SORCS1: variants seen among roughly 807,000 people sequenced by gnomAD.
SORCS1 encodes sortilin related VPS10 domain containing receptor 1, also known as VPS10 domain-containing receptor SorCS1.
In SORCS1, 60 loss-of-function variants were observed where a neutral mutation model predicts 146.1. The observed-to-expected ratio is 0.41, with a 90% confidence interval of 0.33 to 0.51. The LOEUF (loss-of-function observed/expected upper bound fraction) is 0.51, where lower values mean the gene tolerates loss of function less well. SORCS1 is among the 20% of genes least tolerant of loss of function. The pLI, the probability that SORCS1 is intolerant of heterozygous loss-of-function variation, is 0.21. For missense variants in SORCS1, 1,352 were observed against 1,487.6 expected, an observed-to-expected ratio of 0.91 and a Z score of 1.50; for synonymous variants, 637 against 584.0, an observed-to-expected ratio of 1.09 and a Z score of -1.31.
At chr10:106,740,622 C>A (rs1307592432) in intron 5 of SORCS1, among the ~76,000 whole-genome samples, 1 of 151,972 alleles carries the variant, frequency 6.6e-6, no homozygotes, top group African/African-American at 2.4e-5. Context: ...TTAGCTCCAT[C>A]AGAAAAAAAA....
intron 1 of SORCS1, among the ~76,000 whole-genome samples, chr10:106,963,337 G>A (rs998577733): frequency 2.0e-5 from 3 of 151,790 alleles, no homozygotes; most frequent in Non-Finnish European, 2.9e-5. Context: ...GGATGGTCTC[G>A]ATCTCCTGAC....
rs370902733 is a variant in SORCS1 at position 106,926,866 on chromosome 10, CAGAGAG to C, written c.626+29641_626+29646del. Among the ~76,000 whole-genome samples the C allele has an allele frequency of 3.8e-3, 237 of 61,988 alleles. 1 individual carries two copies. The highest frequency in any genetic ancestry group is 8.3e-3 in the African/African-American group (117 of 14,080). 40.7% of individuals were successfully genotyped at this position (61,988 alleles called of 152,430 possible). A position where few individuals can be genotyped will look rare whatever the true frequency, so the allele number is the denominator to read the frequency against. On this transcript the variant is annotated intron_variant, in intron 2 of 25. Coordinates refer to ENST00000263054, the MANE Select transcript of SORCS1 (RefSeq NM_052918.5). ...ACACACACACACACACACACACACACAGAGAGAGAGAGAGAGAGAGAGAGAGAGAGA... is the reference window on the plus strand; with the variant it reads ...ACACACACACACACACACACACACACAGAGAGAGAGAGAGAGAGAGAGAGA...
chr10:106,801,196 A>G (rs1055881079), intron 3 of SORCS1, among the ~76,000 whole-genome samples: 1 of 152,218 alleles, frequency 6.6e-6, no homozygotes, highest in African/African-American at 2.4e-5. Flanking sequence ...TTCACATACT[A>G]TCATATTAAA....
At chr10:106,684,123 C>T (rs991436154) in intron 10 of SORCS1, among the ~76,000 whole-genome samples, 1 of 152,118 alleles carries the variant, frequency 6.6e-6, no homozygotes, top group Non-Finnish European at 1.5e-5. Context: ...ATCATGAGGT[C>T]AAGAGATCAA....
chr10:107,015,914 T>A (rs1957877233), intron 1 of SORCS1, among the ~76,000 whole-genome samples: 2 of 152,216 alleles, frequency 1.3e-5, no homozygotes, highest in Admixed American at 1.3e-4. Context: ...CACTAAAATC[T>A]CTGACTTTAT....
In SORCS1 at chr10:106,894,270, CGTGTGTGTGTGTGTGT is replaced by C. The variant is rs3982431; in HGVS notation, c.626+62227_626+62242del. Among the ~76,000 whole-genome samples the C allele has an allele frequency of 4.9e-5, 7 of 141,550 alleles. No individual in the cohort carries two copies. In the East Asian group the frequency reaches 6.3e-4, roughly 13 times the overall value. The allele number at this position is 141,550 out of a possible 152,430, so 92.9% of individuals were successfully genotyped here. On this transcript the variant is annotated intron_variant, in intron 2 of 25. Transcript: ENST00000263054. The stretch of plus-strand genomic sequence containing the variant: ...GTGTGTGTGCGCGCGCGCACGTGTG[CGTGTGTGTGTGTGTGT>C]GTGTGTGTGTGTGTGTGTGTGTAGG...
chr10:106,811,629 A>T (rs1564687682), intron 3 of SORCS1, among the ~76,000 whole-genome samples: 2 of 152,204 alleles, frequency 1.3e-5, no homozygotes, highest in Non-Finnish European at 2.9e-5. Flanking sequence ...CTTGAAAGGC[A>T]ACTGGGCATA....
intron 2 of SORCS1, among the ~76,000 whole-genome samples, chr10:106,864,637 C>T (rs1950158357): frequency 1.3e-5 from 2 of 152,136 alleles, no homozygotes; most frequent in South Asian, 4.1e-4. Flanking sequence ...AGGCCCTACT[C>T]CCACAACACA....
intron 5 of SORCS1, among the ~76,000 whole-genome samples, chr10:106,755,913 G>T (rs1858601402): frequency 6.6e-6 from 1 of 152,104 alleles, no homozygotes; most frequent in African/African-American, 2.4e-5. Context: ...CGGATTGCCT[G>T]AGCTCAGGAG....
chr10:106,916,987 C>A (rs1008456359), intron 2 of SORCS1, among the ~76,000 whole-genome samples: 1 of 152,214 alleles, frequency 6.6e-6, no homozygotes, highest in South Asian at 2.1e-4. Flanking sequence ...AGATAATCTG[C>A]CCGCCTCAGC....
At chr10:107,058,938 G>A (rs1179966812) in intron 1 of SORCS1, among the ~76,000 whole-genome samples, 3 of 152,054 alleles carry the variant, frequency 2.0e-5, no homozygotes, top group African/African-American at 4.8e-5. Context: ...ACTTTTTCGA[G>A]AAAACTAGGG....
At chr10:107,163,507 T>TTAAAA (rs1012709356) in intron 1 of SORCS1, among the ~76,000 whole-genome samples, 4 of 152,132 alleles carry the variant, frequency 2.6e-5, no homozygotes, top group Non-Finnish European at 4.4e-5. Flanking sequence ...CCGCATGAAA[T>TTAAAA]TAAAATAAAA....
chr10:107,084,747 T>C (rs1207103033), intron 1 of SORCS1, among the ~76,000 whole-genome samples: 1 of 152,202 alleles, frequency 6.6e-6, no homozygotes, highest in Non-Finnish European at 1.5e-5. Flanking sequence ...ACTAACTTCC[T>C]GACCCATAAT....
chr10:107,039,399 C>G (rs1959065526), intron 1 of SORCS1, among the ~76,000 whole-genome samples: 1 of 151,854 alleles, frequency 6.6e-6, no homozygotes, highest in South Asian at 2.1e-4. Flanking sequence ...AATTCTGGCC[C>G]TATATAATGT....
At chr10:106,883,810 C>T (rs1461473586) in intron 2 of SORCS1, among the ~76,000 whole-genome samples, 3 of 152,132 alleles carry the variant, frequency 2.0e-5, no homozygotes, top group South Asian at 2.1e-4. Context: ...GAAAAGAAAA[C>T]GATGATGTTT....
rs528169889 is a variant in SORCS1 at position 106,810,834 on chromosome 10, C to A, written c.726+18740G>T. On this transcript the variant is annotated intron_variant, in intron 3 of 25. Transcript: ENST00000263054. ...TGCTCTGAGCATGTCTATGTACTCT[C>A]CTTCACCCATCCAGCAGCCAAATGC... Among the ~76,000 whole-genome samples, 15 of 152,320 alleles carry A rather than the reference C, an allele frequency of 9.8e-5. No homozygotes were observed. The South Asian group carries it at 3.1e-3, about 32-fold the overall frequency.
chr10:106,973,816 T>TC (rs1955888650), intron 1 of SORCS1, among the ~76,000 whole-genome samples: 1 of 152,236 alleles, frequency 6.6e-6, no homozygotes, highest in African/African-American at 2.4e-5. Flanking sequence ...TACGTTGTTT[T>TC]AAACAAATCA....
At chr10:106,885,358 A>C (rs767275699) in intron 2 of SORCS1, among the ~76,000 whole-genome samples, 122 of 152,308 alleles carry the variant, frequency 8.0e-4, no homozygotes, top group Middle Eastern at 3.4e-3. Context: ...CTCAGATCAA[A>C]TAGAACTGGA....
intron 2 of SORCS1, among the ~76,000 whole-genome samples, chr10:106,885,285 TG>T (rs34957631): frequency 0.086 from 11,958 of 139,708 alleles, 834 homozygotes; most frequent in African/African-American, 0.19. Flanking sequence ...AGGAGAAAAT[TG>T]GGGGGGGGGA....
Sources: gnomAD v4.1 joint callset for allele counts (sites outside exome capture counted in the v4.1 genomes callset) on GRCh38, gnomAD v4.1.1 for gene constraint, MANE v1.5 for transcripts, NCBI Gene and HGNC (gene_info 2026-07-23, HGNC 2026-07-21) for gene names.